Variants in LIMCH1 observed in about 807,000 individuals in gnomAD.
LIMCH1 encodes LIM and calponin homology domains-containing protein 1.
In LIMCH1, 113 loss-of-function variants were observed where a neutral mutation model predicts 176.5. The observed-to-expected ratio is 0.64, with a 90% confidence interval of 0.55 to 0.75. The LOEUF (loss-of-function observed/expected upper bound fraction) is 0.75, where lower values mean the gene tolerates loss of function less well. LIMCH1 is among the 30% of genes least tolerant of loss of function. The pLI is 0.00. For synonymous variants in LIMCH1, 619 were observed against 645.9 expected (o/e 0.96, Z 0.63); for missense variants, 1,674 against 1,814.9 (o/e 0.92, Z 1.41).
rs556082474 is a variant in LIMCH1 at position 41,641,091 on chromosome 4, G to T, written c.2126+2124G>T. The stretch of plus-strand genomic sequence containing the variant: ...CAGGCCCTTGGGGTAATTCCATCCC[G>T]GCCCTCAAAAATGCCAACCCACCAC... On this transcript the variant is annotated intron_variant, in intron 14 of 31. Coordinates refer to ENST00000503057, the MANE Select transcript of LIMCH1 (RefSeq NM_001330672.2). Among the ~76,000 whole-genome samples the T allele has an allele frequency of 5.2e-4, 79 of 152,064 alleles. 1 individual carries two copies. The highest frequency in any genetic ancestry group is 6.8e-4 in the Non-Finnish European group (46 of 68,032).
At position 41,631,249 on chromosome 4, in the gene LIMCH1, C is replaced by G; in HGVS notation, c.1373C>G (p.Ser458Cys). 6.5e-7 allele frequency: 1 copy of G among 1,536,074 alleles called. No individual in the cohort carries two copies. Among genetic ancestry groups the G allele is most frequent in the Non-Finnish European group, 8.7e-7 (1 of 1,146,902 alleles). ...DDFANRKARA[S>C]KKASSPRQKF... ...TTTGCCAACCGCAAAGCAAGGGCCT[C>G]TAAGAAAGCTTCCAGCCCCAGGCAA... The change falls in exon 10 of 32, where the codon TCT becomes TGT. Residue 458 changes from serine to cysteine, a missense_variant. Ser to Cys is a moderately radical substitution (Grantham distance 112). This residue lies in a region of LIMCH1 where 655 missense variants were observed against 692.2 expected (regional missense o/e 0.95). Transcript: ENST00000503057.
intron 1 of LIMCH1, among the ~76,000 whole-genome samples, chr4:41,547,853 TTGTGTG>T (rs1280178003): frequency 1.1e-4 from 11 of 102,716 alleles, no homozygotes; most frequent in African/African-American, 3.7e-4. Context: ...GATATATAAT[TTGTGTG>T]TGTGTATATA....
chr4:41,367,844 G>C (rs1234308579), intron 1 of LIMCH1, among the ~76,000 whole-genome samples: 1 of 149,398 alleles, frequency 6.7e-6, no homozygotes. Context: ...TCCAGCCTGG[G>C]CGGCAGTGCG....
intron 1 of LIMCH1, among the ~76,000 whole-genome samples, chr4:41,554,233 A>G (rs1226576219): frequency 6.6e-6 from 1 of 152,172 alleles, no homozygotes; most frequent in Non-Finnish European, 1.5e-5. Flanking sequence ...CAATTGAACT[A>G]GGCAACAATC....
At chr4:41,575,136 C>T (rs150477034) in intron 1 of LIMCH1, among the ~76,000 whole-genome samples, 121 of 152,282 alleles carry the variant, frequency 7.9e-4, no homozygotes, top group African/African-American at 2.7e-3. Context: ...TGGTAGAAGA[C>T]TAATGTAATT....
At chr4:41,689,768 A>G in intron 30 of LIMCH1, 133 bp downstream of exon 30, 1 of 581,938 alleles carries the variant, frequency 1.7e-6, no homozygotes, top group South Asian at 2.2e-5. Flanking sequence ...TTGTATAGAC[A>G]TTCCTTCAGA....
chr4:41,581,762 C>T (rs182387984), intron 1 of LIMCH1, among the ~76,000 whole-genome samples: 136 of 142,016 alleles, frequency 9.6e-4, no homozygotes, highest in African/African-American at 3.1e-3. Context: ...GCCGAGATCG[C>T]GCCACTGCAC....
rs371719302 is a variant in LIMCH1, at chr4:41,555,987, T to C, written c.-241+17637T>C. On this transcript the variant is annotated intron_variant, in intron 1 of 31. Transcript: ENST00000503057. ...CTTGAACTCCTGGGCTCAGGGGGTCTGCCTGCCTCAGTCTCTGAAGGTGTT... is the reference window on the plus strand; with the variant it reads ...CTTGAACTCCTGGGCTCAGGGGGTCCGCCTGCCTCAGTCTCTGAAGGTGTT... Among the ~76,000 whole-genome samples the C allele has an allele frequency of 2.0e-5, 3 of 152,060 alleles. No homozygotes were observed. In the East Asian group the frequency reaches 5.8e-4, roughly 29 times the overall value.
intron 20 of LIMCH1, among the ~76,000 whole-genome samples, 194 bp from the exon 21 acceptor site, chr4:41,666,367 T>A (rs1338301642): frequency 6.6e-6 from 1 of 152,212 alleles, no homozygotes; most frequent in Non-Finnish European, 1.5e-5. Flanking sequence ...ATCTAAAAAA[T>A]TGACGCTCTG....
chr4:41,624,508 G>C (rs950098639), intron 7 of LIMCH1, among the ~76,000 whole-genome samples: 1 of 149,766 alleles, frequency 6.7e-6, no homozygotes, highest in Non-Finnish European at 1.5e-5. Flanking sequence ...GACTCTGGAT[G>C]TATTAGGGCG....
At chr4:41,494,181 T>C (rs748879642) in intron 1 of LIMCH1, among the ~76,000 whole-genome samples, 7 of 151,998 alleles carry the variant, frequency 4.6e-5, no homozygotes, top group Non-Finnish European at 1.0e-4. Flanking sequence ...GGTCTAAATT[T>C]AACTTTAGCT....
At chr4:41,674,213 C>T (rs950500690) in intron 22 of LIMCH1, among the ~76,000 whole-genome samples, 1 of 152,126 alleles carries the variant, frequency 6.6e-6, no homozygotes, top group African/African-American at 2.4e-5. Context: ...TCCTATCTGC[C>T]CACTCCTTAC....
intron 1 of LIMCH1, among the ~76,000 whole-genome samples, chr4:41,453,406 GTATGT>G (rs754692720): frequency 2.0e-5 from 3 of 152,142 alleles, no homozygotes; most frequent in Non-Finnish European, 4.4e-5. Flanking sequence ...CATATATTTT[GTATGT>G]TATGTGTATT....
At chr4:41,505,138 C>A (rs1039590330) in intron 2 of LIMCH1, among the ~76,000 whole-genome samples, 3 of 152,154 alleles carry the variant, frequency 2.0e-5, no homozygotes, top group South Asian at 2.1e-4. Flanking sequence ...TTCCCCCGTT[C>A]GTCTATGTAA....
rs982493879 is a variant in LIMCH1 at position 41,499,628 on chromosome 4, G to C, written c.167+5022G>C. On this transcript the variant is annotated intron_variant, in intron 2 of 26. Transcript: ENST00000313860. ...AGGTCAAGAGATCGAGTCCATCCTG[G>C]CCAACATGGCAAAACCCTGTCTCTA... 3.9e-5 allele frequency among the ~76,000 whole-genome samples: 6 copies of C among 152,268 alleles called. No individual in the cohort carries two copies. The East Asian group carries it at 9.6e-4, about 24-fold the overall frequency.
In LIMCH1 at chr4:41,668,599, G is replaced by A. The variant is rs1045279963; in HGVS notation, c.3397+1933G>A. Among the ~76,000 whole-genome samples the A allele has an allele frequency of 4.6e-5, 7 of 152,254 alleles. No individual in the cohort carries two copies. The East Asian group carries it at 5.8e-4, about 13-fold the overall frequency. On this transcript the variant is annotated intron_variant, in intron 21 of 31. Transcript: ENST00000503057. ...CTTTACTTCATTCTTTACCCAAGTC[G>A]AATGACTAAAAAATAAAATTTAGTA...
At position 41,519,979 on chromosome 4, in the gene LIMCH1, G is replaced by T. The variant is rs866014427; in HGVS notation, c.168-4430G>T. On this transcript the variant is annotated intron_variant, in intron 2 of 26. Coordinates refer to the LIMCH1 transcript ENST00000313860. ...CTTCCTCTTCATCAAGCTGAATGTT[G>T]TAAGTTATTGGTGATGTTTTATCTA... Among the ~76,000 whole-genome samples the T allele has an allele frequency of 2.0e-5, 3 of 152,258 alleles. No homozygotes were observed. The South Asian group carries it at 6.2e-4, about 32-fold the overall frequency.
intron 1 of LIMCH1, among the ~76,000 whole-genome samples, chr4:41,395,562 A>G (rs1221710466): frequency 6.6e-6 from 1 of 152,090 alleles, no homozygotes; most frequent in East Asian, 1.9e-4. Context: ...TAGTGATAGT[A>G]TAATTGTGTT....
intron 1 of LIMCH1, among the ~76,000 whole-genome samples, chr4:41,364,237 G>T (rs181367624): frequency 2.0e-5 from 3 of 152,252 alleles, no homozygotes; most frequent in African/African-American, 7.2e-5. Context: ...TATTTAAAAT[G>T]CTTAGAACAG....
Sources: gnomAD v4.1 joint callset for allele counts (sites outside exome capture counted in the v4.1 genomes callset) on GRCh38, gnomAD v4.1.1 for gene constraint, gnomAD v4.1.1 regional missense constraint, MANE v1.5 for transcripts, NCBI Gene and HGNC (gene_info 2026-07-23, HGNC 2026-07-21) for gene names.